The following NRXN3 variants were observed in gnomAD, a reference collection of about 807,000 sequenced individuals.
The protein encoded by NRXN3 is neurexin 3.
A neutral mutation model predicts 137.6 loss-of-function variants in NRXN3; 32 were observed. The ratio of observed to expected loss-of-function variants is 0.23; its 90% CI spans 0.18 to 0.31. The LOEUF is 0.31. Ranked by LOEUF, NRXN3 falls within the 10% of genes least tolerant of loss-of-function variation. NRXN3 has a pLI of 1.00. For synonymous variants in NRXN3, 798 were observed against 784.5 expected (o/e 1.02, Z -0.29); for missense variants, 1,574 against 2,062.5 (o/e 0.76, Z 4.59).
intron 4 of NRXN3, among the ~76,000 whole-genome samples, chr14:78,455,762 C>A (rs976981964): frequency 6.6e-6 from 1 of 152,114 alleles, no homozygotes; most frequent in African/African-American, 2.4e-5. Context: ...AGCCAGCCAC[C>A]ACCCCACCTT....
intron 4 of NRXN3, among the ~76,000 whole-genome samples, chr14:78,419,955 G>GTA (rs76289114): frequency 0.86 from 127,909 of 149,048 alleles, 55,205 homozygotes; most frequent in Non-Finnish European, 0.93. Context: ...GCGCGCGCGC[G>GTA]CGCACGCACA....
chr14:78,267,800 G>A (rs2072024810), intron 2 of NRXN3, among the ~76,000 whole-genome samples: 1 of 152,198 alleles, frequency 6.6e-6, no homozygotes, highest in Non-Finnish European at 1.5e-5. Flanking sequence ...TATGATAATA[G>A]AAGACCATGT....
intron 15 of NRXN3, among the ~76,000 whole-genome samples, chr14:79,441,453 C>T (rs1600338776): frequency 1.5e-5 from 2 of 136,026 alleles, no homozygotes; most frequent in South Asian, 2.5e-4. Flanking sequence ...GATCTTGGCT[C>T]ACTGCAAGCT....
Position 79,015,391 on chromosome 14 carries a change from A to T in NRXN3, c.3262+27250A>T, listed in dbSNP as rs756977120. Among the ~76,000 whole-genome samples, 4 of 152,294 alleles carry T rather than the reference A, an allele frequency of 2.6e-5. No homozygotes were observed. In the East Asian group the frequency reaches 7.7e-4, roughly 29 times the overall value. ...ATTCTGCAAACCACGGCTGAGAAAG[A>T]TGGCAGTGTGTAAGGCTCCTCTGAT... On this transcript the variant is annotated intron_variant, in intron 15 of 20. Coordinates refer to ENST00000335750, the MANE Select transcript of NRXN3 (RefSeq NM_001330195.2).
intron 15 of NRXN3, among the ~76,000 whole-genome samples, chr14:79,433,957 A>G (rs147862488): frequency 4.4e-4 from 67 of 152,278 alleles, no homozygotes; most frequent in African/African-American, 1.5e-3. Flanking sequence ...TGCTTGAGGA[A>G]ATTTCAGAAG....
chr14:79,297,318 C>G (rs1407486051), intron 15 of NRXN3, among the ~76,000 whole-genome samples: 1 of 152,056 alleles, frequency 6.6e-6, no homozygotes. Flanking sequence ...TGCAAGACAG[C>G]CAATTAAATT....
At chr14:79,449,122 C>G (rs1600465291) in intron 15 of NRXN3, among the ~76,000 whole-genome samples, 1 of 152,148 alleles carries the variant, frequency 6.6e-6, no homozygotes, top group Non-Finnish European at 1.5e-5. Context: ...AAGTATCTGT[C>G]GCAGGGAATT....
intron 10 of NRXN3, among the ~76,000 whole-genome samples, chr14:78,819,620 T>C (rs28454353): frequency 0.044 from 6,708 of 152,204 alleles, 364 homozygotes; most frequent in African/African-American, 0.13. Flanking sequence ...AGTTTATATT[T>C]TGAAAATTAG....
At chr14:79,688,213 T>C (rs2098703006) in intron 17 of NRXN3, among the ~76,000 whole-genome samples, 1 of 152,154 alleles carries the variant, frequency 6.6e-6, no homozygotes, top group African/African-American at 2.4e-5. Flanking sequence ...AAATATGCTG[T>C]ACTCCCTATT....
chr14:79,233,312 C>T (rs879446056), intron 15 of NRXN3, among the ~76,000 whole-genome samples: 13 of 152,094 alleles, frequency 8.5e-5, no homozygotes, highest in African/African-American at 2.2e-4. Flanking sequence ...GTCAACTGTG[C>T]GCAACGTGCT....
intron 15 of NRXN3, among the ~76,000 whole-genome samples, chr14:79,383,359 A>G (rs911048225): frequency 3.3e-5 from 5 of 152,086 alleles, no homozygotes; most frequent in African/African-American, 1.2e-4. Flanking sequence ...TTTCAAACCT[A>G]CACACCCTCT....
chr14:79,652,590 A>C (rs1479419206), intron 16 of NRXN3, among the ~76,000 whole-genome samples: 1 of 152,146 alleles, frequency 6.6e-6, no homozygotes, highest in Non-Finnish European at 1.5e-5. Flanking sequence ...GTGTTCTCTA[A>C]TTATTCTATC....
intron 16 of NRXN3, among the ~76,000 whole-genome samples, chr14:79,603,039 G>T (rs1027838615): frequency 2.0e-5 from 3 of 152,108 alleles, no homozygotes; most frequent in African/African-American, 7.2e-5. Flanking sequence ...AGCCACACCT[G>T]ACTTAAATGC....
chr14:78,296,697 CATGTATCTGTGTATTTAATATATCAT>C (rs1189970075), intron 3 of NRXN3, among the ~76,000 whole-genome samples: 1 of 152,150 alleles, frequency 6.6e-6, no homozygotes, highest in African/African-American at 2.4e-5. Context: ...ATTTATGGCA[CATGTATCTGTGTATTTAATATATCAT>C]TGATCTTTTA....
chr14:78,925,245 A>G (rs1017619425), intron 10 of NRXN3, among the ~76,000 whole-genome samples: 3 of 152,230 alleles, frequency 2.0e-5, no homozygotes, highest in Non-Finnish European at 2.9e-5. Flanking sequence ...TTAGAGCAGA[A>G]AAAGCTACAA....
At chr14:78,288,082 C>A (rs571656195) in intron 3 of NRXN3, among the ~76,000 whole-genome samples, 1 of 151,868 alleles carries the variant, frequency 6.6e-6, no homozygotes, top group Non-Finnish European at 1.5e-5. Flanking sequence ...CAAGTTCAAG[C>A]GATTCTCCTG....
chr14:78,428,096 T>G (rs962976942), intron 4 of NRXN3, among the ~76,000 whole-genome samples: 1 of 152,188 alleles, frequency 6.6e-6, no homozygotes, highest in Non-Finnish European at 1.5e-5. Flanking sequence ...CTTTACAGGG[T>G]TTTTAAAAGG....
At chr14:79,785,204 A>G (rs971798241) in intron 19 of NRXN3, among the ~76,000 whole-genome samples, 2 of 152,158 alleles carry the variant, frequency 1.3e-5, no homozygotes, top group Non-Finnish European at 2.9e-5. Context: ...AACAAATAAT[A>G]CTTGCTGCCC....
At chr14:79,458,009 A>T (rs867095186) in intron 15 of NRXN3, among the ~76,000 whole-genome samples, 3 of 152,122 alleles carry the variant, frequency 2.0e-5, no homozygotes, top group Non-Finnish European at 4.4e-5. Flanking sequence ...TTATTCATTT[A>T]TATTTTGCTT....
Sources: allele counts gnomAD v4.1 joint callset (sites outside exome capture counted in the v4.1 genomes callset), GRCh38; gene constraint gnomAD v4.1.1; transcripts MANE v1.5; gene names NCBI Gene and HGNC (gene_info 2026-07-23, HGNC 2026-07-21).